TUSC3: variants seen among roughly 807,000 people sequenced by gnomAD.
The protein encoded by TUSC3 is dolichyl-diphosphooligosaccharide--protein glycosyltransferase subunit TUSC3.
A neutral mutation model predicts 44.8 loss-of-function variants in TUSC3; 45 were observed. The observed-to-expected ratio is 1.00, with a 90% CI of 0.79 to 1.29. TUSC3 has a LOEUF of 1.29. Among genes scored for constraint, TUSC3 ranks in the 50% most tolerant of loss-of-function variants. TUSC3 has a pLI of 0.00. For synonymous variants in TUSC3, 212 were observed against 152.9 expected, an observed-to-expected ratio of 1.39 and a Z score of -2.85; for missense variants, 519 against 437.9, an observed-to-expected ratio of 1.19 and a Z score of -1.65.
chr8:15,828,945 T>A, the TUSC3 span, among the ~76,000 whole-genome samples: 1 of 152,222 alleles, frequency 6.6e-6, no homozygotes, highest in African/African-American at 2.4e-5. Flanking sequence ...AATATTTAAA[T>A]GGCACTTTCC....
At chr8:15,642,475 C>G (rs959351656) in intron 2 of TUSC3, among the ~76,000 whole-genome samples, 1 of 152,160 alleles carries the variant, frequency 6.6e-6, no homozygotes, top group Non-Finnish European at 1.5e-5. Flanking sequence ...GCAATACTAT[C>G]AGTTGACTAG....
the TUSC3 span, among the ~76,000 whole-genome samples, chr8:15,773,214 A>G: frequency 6.6e-6 from 1 of 152,180 alleles, no homozygotes; most frequent in South Asian, 2.1e-4. Flanking sequence ...AGATGGCATG[A>G]TATACATAAA....
chr8:15,452,537 C>T (rs1800207990), intron 1 of TUSC3, among the ~76,000 whole-genome samples: 4 of 151,986 alleles, frequency 2.6e-5, no homozygotes, highest in Non-Finnish European at 5.9e-5. Flanking sequence ...TACTGTGGAG[C>T]CCTAATTAGG....
chr8:15,459,576 G>T (rs2129121657), intron 1 of TUSC3, among the ~76,000 whole-genome samples: 1 of 152,144 alleles, frequency 6.6e-6, no homozygotes, highest in African/African-American at 2.4e-5. Flanking sequence ...CGCCCAAGCA[G>T]TATACACTGC....
chr8:15,768,778 G>A (rs1812393005), downstream of TUSC3, among the ~76,000 whole-genome samples: 2 of 152,002 alleles, frequency 1.3e-5, no homozygotes, highest in African/African-American at 4.8e-5. Context: ...AAAACCACAA[G>A]AATTTCTATA....
intron 1 of TUSC3, among the ~76,000 whole-genome samples, chr8:15,453,457 G>A (rs76605548): frequency 0.023 from 3,474 of 152,186 alleles, 153 homozygotes; most frequent in African/African-American, 0.079. Context: ...ATAAAAAACG[G>A]TGATTTCTCT....
the TUSC3 span, among the ~76,000 whole-genome samples, chr8:15,822,753 G>A: frequency 3.3e-5 from 5 of 152,118 alleles, no homozygotes; most frequent in African/African-American, 9.7e-5. Context: ...CTTTCAAGGA[G>A]GAAGGATTAT....
At chr8:15,750,988 T>G (rs1811675108) in intron 9 of TUSC3, among the ~76,000 whole-genome samples, 1 of 152,084 alleles carries the variant, frequency 6.6e-6, no homozygotes, top group Non-Finnish European at 1.5e-5. Context: ...CAAAGAAGCT[T>G]GGGACACCAG....
At chr8:15,816,630 A>G in the TUSC3 span, among the ~76,000 whole-genome samples, 10 of 152,308 alleles carry the variant, frequency 6.6e-5, no homozygotes, top group Admixed American at 5.2e-4. Context: ...CTACCAGTTC[A>G]TTCATTACAA....
At chr8:15,455,309 A>G (rs1183389208) in intron 1 of TUSC3, among the ~76,000 whole-genome samples, 2 of 152,126 alleles carry the variant, frequency 1.3e-5, no homozygotes, top group African/African-American at 4.8e-5. Flanking sequence ...GAAAAGCCCT[A>G]ACATGTAGAT....
intron 7 of TUSC3, among the ~76,000 whole-genome samples, chr8:15,741,345 T>C (rs1412371967): frequency 6.6e-6 from 1 of 152,200 alleles, no homozygotes; most frequent in African/African-American, 2.4e-5. Context: ...AATCATAAAA[T>C]GAATGTATGT....
chr8:15,670,770 G>T (rs1285702558), intron 5 of TUSC3, among the ~76,000 whole-genome samples: 1 of 151,848 alleles, frequency 6.6e-6, no homozygotes, highest in African/African-American at 2.4e-5. Context: ...CATGTTTGGT[G>T]AGGACTATTT....
intron 2 of TUSC3, among the ~76,000 whole-genome samples, chr8:15,532,099 T>C (rs1801458657): frequency 6.6e-6 from 1 of 152,208 alleles, no homozygotes; most frequent in Admixed American, 6.5e-5. Flanking sequence ...TAAGTTTTTT[T>C]TCTTTTCCTT....
chr8:15,581,790 C>T (rs1238682714), intron 1 of TUSC3, among the ~76,000 whole-genome samples: 1 of 137,644 alleles, frequency 7.3e-6, no homozygotes, highest in South Asian at 2.3e-4. Flanking sequence ...TGCCCTGCCC[C>T]CAGAGGTGGA....
chr8:15,722,289 CAGTCTT>C (rs2129204636), intron 6 of TUSC3, among the ~76,000 whole-genome samples: 1 of 151,550 alleles, frequency 6.6e-6, no homozygotes, highest in Admixed American at 6.6e-5. Flanking sequence ...CCTAGACTAC[CAGTCTT>C]ATTGACAGGG....
rs71211049 is a variant in TUSC3, at chr8:15,517,522, C to CAAAAA, written n.189+34069_189+34073dup. On this transcript the variant is annotated intron_variant and non_coding_transcript_variant, in intron 2 of 5. Transcript: ENST00000503191. ...GAGCTTCCTAACATTTAGCGTGAGG[C>CAAAAA]AAAAAAAAAAAAAAAAAAAAAAAAA... is the stretch of plus-strand genomic sequence containing the variant. Among the ~76,000 whole-genome samples the CAAAAA allele has an allele frequency of 2.8e-4, 22 of 77,562 alleles. 3 individuals are homozygous for CAAAAA. Among genetic ancestry groups the CAAAAA allele is most frequent in the African/African-American group, 8.2e-4 (10 of 12,146 alleles). 50.9% of individuals were successfully genotyped at this position (77,562 alleles called of 152,430 possible).
intron 2 of TUSC3, among the ~76,000 whole-genome samples, chr8:15,507,910 A>T (rs1448293864): frequency 1.3e-5 from 2 of 152,100 alleles, no homozygotes; most frequent in African/African-American, 2.4e-5. Context: ...TAAATAGAGG[A>T]GGTAAAACTT....
At chr8:15,485,089 T>A (rs1462952902) in intron 2 of TUSC3, among the ~76,000 whole-genome samples, 2 of 152,194 alleles carry the variant, frequency 1.3e-5, no homozygotes, top group African/African-American at 4.8e-5. Flanking sequence ...AAGAAATATT[T>A]CTGAGTTCCT....
intron 1 of TUSC3, among the ~76,000 whole-genome samples, chr8:15,450,589 G>A (rs1488751909): frequency 6.6e-6 from 1 of 152,142 alleles, no homozygotes; most frequent in Non-Finnish European, 1.5e-5. Context: ...AGAATAGCTT[G>A]AACCCGGGCG....
Sources: allele counts gnomAD v4.1 joint callset (sites outside exome capture counted in the v4.1 genomes callset), GRCh38; gene constraint gnomAD v4.1.1; transcripts MANE v1.5; gene names NCBI Gene and HGNC (gene_info 2026-07-23, HGNC 2026-07-21).